Variants in TFEC observed in about 807,000 individuals in gnomAD.
The protein encoded by TFEC is transcription factor EC, also known as class E basic helix-loop-helix protein 34.
A neutral mutation model predicts 41.6 loss-of-function variants in TFEC; 31 were observed. That is an observed-to-expected ratio of 0.74 (90% CI 0.56 to 1.01). The LOEUF (loss-of-function observed/expected upper bound fraction) is 1.01. Ranked by LOEUF, TFEC falls within the 50% of genes least tolerant of loss-of-function variation. TFEC has a pLI of 0.00. For missense variants in TFEC, 402 were observed against 404.1 expected (o/e 0.99, Z 0.04); for synonymous variants, 143 against 140.6 (o/e 1.02, Z -0.12).
intron 1 of TFEC, among the ~76,000 whole-genome samples, chr7:116,008,699 T>C (rs1794893424): frequency 6.6e-6 from 1 of 152,192 alleles, no homozygotes; most frequent in East Asian, 1.9e-4. Flanking sequence ...CAGCAGTCTG[T>C]GGATATGATA....
intron 1 of TFEC, among the ~76,000 whole-genome samples, chr7:116,015,489 G>T (rs1394726171): frequency 6.6e-6 from 1 of 152,134 alleles, no homozygotes; most frequent in African/African-American, 2.4e-5. Flanking sequence ...TGTTCTTACA[G>T]CCCCGATGAC....
chr7:116,018,442 C>T (rs1474974768), intron 1 of TFEC, among the ~76,000 whole-genome samples: 1 of 152,096 alleles, frequency 6.6e-6, no homozygotes, highest in Admixed American at 6.6e-5. Context: ...ACTTTATATG[C>T]ACAGGCTAAC....
chr7:116,068,711 T>G (rs1472676125), intron 3 of TFEC, among the ~76,000 whole-genome samples: 5 of 151,598 alleles, frequency 3.3e-5, no homozygotes, highest in African/African-American at 4.8e-5. Context: ...TGAGAATTAA[T>G]AAATCCAAAA....
intron 3 of TFEC, among the ~76,000 whole-genome samples, chr7:116,105,461 C>T (rs1168838582): frequency 5.3e-5 from 8 of 152,166 alleles, no homozygotes; most frequent in African/African-American, 1.9e-4. Flanking sequence ...AAAAAAGAAA[C>T]ATACACAGGA....
In TFEC at chr7:116,154,870, T is replaced by C. The variant is rs542392663; in HGVS notation, c.-69+4920A>G. 5.3e-5 allele frequency among the ~76,000 whole-genome samples: 8 copies of C among 152,296 alleles called. No individual in the cohort carries two copies. In the South Asian group the frequency reaches 1.0e-3, roughly 20 times the overall value. Reference sequence around the variant, plus strand: ...TCCTCTCTTGGATATTAATTCTCTCTTTGTTTTGTGGTGGTATCTCTGAAA... The same window carrying C: ...TCCTCTCTTGGATATTAATTCTCTCCTTGTTTTGTGGTGGTATCTCTGAAA... On this transcript the variant is annotated intron_variant, in intron 1 of 8. Coordinates refer to the TFEC transcript ENST00000484212.
chr7:116,106,305 A>T (rs1280639674), intron 3 of TFEC, among the ~76,000 whole-genome samples: 2 of 152,220 alleles, frequency 1.3e-5, no homozygotes, highest in East Asian at 3.8e-4. Context: ...TCTAAGGCTT[A>T]GAATCTTTCC....
chr7:116,101,511 A>G (rs573114907), intron 3 of TFEC, among the ~76,000 whole-genome samples: 23 of 152,294 alleles, frequency 1.5e-4, no homozygotes, highest in Admixed American at 5.2e-4. Context: ...TTACTTTTAC[A>G]CTTTACACAA....
intron 5 of TFEC, among the ~76,000 whole-genome samples, chr7:115,954,036 T>A (rs1792086147): frequency 6.6e-6 from 1 of 152,050 alleles, no homozygotes; most frequent in African/African-American, 2.4e-5. Context: ...TCGCTGCCAA[T>A]CTACTTTTCT....
chr7:116,019,714 A>C (rs1277190190), intron 1 of TFEC, among the ~76,000 whole-genome samples: 1 of 152,200 alleles, frequency 6.6e-6, no homozygotes, highest in Non-Finnish European at 1.5e-5. Context: ...GAAAAGAACA[A>C]ATAAGACACC....
upstream of TFEC, among the ~76,000 whole-genome samples, chr7:116,032,288 T>C (rs1187556204): frequency 2.0e-5 from 3 of 152,206 alleles, no homozygotes; most frequent in Non-Finnish European, 2.9e-5. Context: ...AATTCCTCTA[T>C]CTAAAACCAG....
At chr7:116,025,278 A>G (rs980890097) in intron 1 of TFEC, among the ~76,000 whole-genome samples, 1 of 152,168 alleles carries the variant, frequency 6.6e-6, no homozygotes, top group Non-Finnish European at 1.5e-5. Flanking sequence ...TAAGGAAAAC[A>G]AGACCAGATG....
At chr7:116,091,013 T>C (rs1254574188) in intron 3 of TFEC, among the ~76,000 whole-genome samples, 1 of 151,888 alleles carries the variant, frequency 6.6e-6, no homozygotes, top group East Asian at 1.9e-4. Flanking sequence ...GTACCTAATG[T>C]AGATGACAGG....
rs540682574 is a variant in TFEC, at chr7:116,159,387, T to A, written c.-69+403A>T. 4.6e-5 allele frequency among the ~76,000 whole-genome samples: 7 copies of A among 152,100 alleles called. No homozygotes were observed. The East Asian group carries it at 1.2e-3, about 25-fold the overall frequency. ...TAAATTCTACATTATATATAATAAT[T>A]ATATTTTCAACCAATTCTTCAGAGA... On this transcript the variant is annotated intron_variant, in intron 1 of 8. Coordinates refer to the TFEC transcript ENST00000484212.
intron 3 of TFEC, among the ~76,000 whole-genome samples, chr7:116,064,228 G>A (rs1562956739): frequency 6.6e-6 from 1 of 151,950 alleles, no homozygotes; most frequent in African/African-American, 2.4e-5. Flanking sequence ...TGAATTTTAA[G>A]TGTTCTCACC....
At chr7:116,062,076 T>A (rs1796570928) in intron 3 of TFEC, among the ~76,000 whole-genome samples, 1 of 151,548 alleles carries the variant, frequency 6.6e-6, no homozygotes, top group East Asian at 1.9e-4. Context: ...TTTTTTTTTT[T>A]CTTTGACAGA....
intron 1 of TFEC, among the ~76,000 whole-genome samples, chr7:115,993,903 T>C (rs1400996904): frequency 6.6e-6 from 1 of 151,978 alleles, no homozygotes; most frequent in Non-Finnish European, 1.5e-5. Context: ...GCCAAGAAAA[T>C]CCTAAGCCAA....
At position 115,936,750 on chromosome 7, in the gene TFEC, T is replaced by C. The variant is rs1388768250; in HGVS notation, c.*3801A>G. ...GAGCACACCAAATCAAGACATTCTT[T>C]GTATCTGTTTTTTTAAGTAAGAGCT... On this transcript the variant is annotated 3_prime_UTR_variant, in exon 8 of 8. Coordinates refer to ENST00000265440, the MANE Select transcript of TFEC (RefSeq NM_012252.4). 3 of 151,696 alleles carry C rather than the reference T, an allele frequency of 2.0e-5. No individual in the cohort carries two copies. The highest frequency in any genetic ancestry group is 2.0e-4 in the Admixed American group (3 of 15,224). 9.4% of individuals were successfully genotyped at this position (151,696 alleles called of 1,614,324 possible).
intron 3 of TFEC, among the ~76,000 whole-genome samples, chr7:116,043,460 T>C (rs1240319911): frequency 2.0e-5 from 3 of 152,174 alleles, no homozygotes; most frequent in Admixed American, 6.5e-5. Flanking sequence ...AAGGTATCAG[T>C]CATCCAATTG....
At chr7:116,047,875 C>G (rs566914092) in intron 3 of TFEC, among the ~76,000 whole-genome samples, 18 of 152,322 alleles carry the variant, frequency 1.2e-4, no homozygotes, top group Middle Eastern at 6.8e-3. Context: ...CAAACAGGGT[C>G]TGCAGTGGAC....
Sources: allele counts gnomAD v4.1 joint callset (sites outside exome capture counted in the v4.1 genomes callset), GRCh38; gene constraint gnomAD v4.1.1; transcripts MANE v1.5; gene names NCBI Gene and HGNC (gene_info 2026-07-23, HGNC 2026-07-21).